THSD4: variants seen among roughly 807,000 people sequenced by gnomAD.
The protein encoded by THSD4 is thrombospondin type 1 domain containing 4, also known as thrombospondin type-1 domain-containing protein 4.
A neutral mutation model predicts 119.0 loss-of-function variants in THSD4; 69 were observed. That is an observed-to-expected ratio of 0.58 (90% CI 0.48 to 0.71). The LOEUF is 0.71. THSD4 is among the 30% of genes least tolerant of loss of function. THSD4 has a pLI of 0.00. For synonymous variants in THSD4, 524 were observed against 540.4 expected (o/e 0.97, Z 0.42); for missense variants, 1,393 against 1,391.1 (o/e 1.00, Z -0.02).
intron 7 of THSD4, among the ~76,000 whole-genome samples, chr15:71,559,061 T>C (rs2049069883): frequency 6.6e-6 from 1 of 152,118 alleles, no homozygotes; most frequent in African/African-American, 2.4e-5. Context: ...TTCGGAGACT[T>C]TTATATTTCT....
rs565785283 is a variant in THSD4, at chr15:71,324,110, C to T, written c.1015+67395C>T. ...GAATACCACCATGAAATGTTAATACCGCAGGTATACTCTGTATCTGTTTAT... is the reference window on the plus strand; with the variant it reads ...GAATACCACCATGAAATGTTAATACTGCAGGTATACTCTGTATCTGTTTAT... On this transcript the variant is annotated intron_variant, in intron 6 of 17. Transcript: ENST00000261862. 5.3e-5 allele frequency among the ~76,000 whole-genome samples: 8 copies of T among 152,114 alleles called. No homozygotes were observed. In the East Asian group the frequency reaches 7.7e-4, roughly 15 times the overall value.
intron 3 of THSD4, 120 bp from the exon 4 acceptor site, chr15:71,214,915 C>T (rs1331326037): frequency 1.1e-5 from 13 of 1,198,324 alleles, no homozygotes; most frequent in Non-Finnish European, 1.4e-5. Flanking sequence ...TGTATTAATA[C>T]TTATCTTTGA....
intron 7 of THSD4, among the ~76,000 whole-genome samples, chr15:71,459,392 C>CTCTCTCTCTCTCTCTCTG: frequency 1.3e-5 from 2 of 151,242 alleles, no homozygotes; most frequent in Non-Finnish European, 3.0e-5. Flanking sequence ...CTCTCTCTCT[C>CTCTCTCTCTCTCTCTCTG]TCTCTCTCTC....
chr15:71,689,232 C>T (rs2051990943), intron 8 of THSD4, among the ~76,000 whole-genome samples: 1 of 152,168 alleles, frequency 6.6e-6, no homozygotes, highest in African/African-American at 2.4e-5. Context: ...CTGGTGTGGC[C>T]TCTCTGCTCT....
chr15:71,110,880 C>T, upstream of THSD4: 1 of 476,168 alleles, frequency 2.1e-6, no homozygotes. Context: ...ACTGATCAGC[C>T]ATGCTTGAGA....
chr15:71,490,950 C>T (rs1158905534), intron 7 of THSD4, among the ~76,000 whole-genome samples: 5 of 152,154 alleles, frequency 3.3e-5, no homozygotes, highest in African/African-American at 4.8e-5. Flanking sequence ...ATATATATTA[C>T]CTGGCCCCTT....
intron 4 of THSD4, among the ~76,000 whole-genome samples, chr15:71,221,284 A>G (rs1446560820): frequency 2.0e-5 from 3 of 152,198 alleles, no homozygotes; most frequent in South Asian, 4.1e-4. Context: ...AATACACATA[A>G]CATAAAATTG....
At chr15:71,688,570 A>T (rs976499628) in intron 8 of THSD4, among the ~76,000 whole-genome samples, 1 of 152,238 alleles carries the variant, frequency 6.6e-6, no homozygotes, top group Non-Finnish European at 1.5e-5. Flanking sequence ...CAAAAATAAT[A>T]GATGAAAAAG....
rs530732070 is a variant in THSD4, at chr15:71,564,471, G to A, written c.1153-96059G>A. 3.2e-4 allele frequency among the ~76,000 whole-genome samples: 49 copies of A among 152,266 alleles called. No homozygotes were observed. In the South Asian group the frequency reaches 7.5e-3, roughly 23 times the overall value. On this transcript the variant is annotated intron_variant, in intron 7 of 17. Coordinates refer to ENST00000261862, the MANE Select transcript of THSD4 (RefSeq NM_024817.3). ...GAAGAAGATTGGAGGTGGAAGGGGA[G>A]GGAGGTAAACTTCTCAGGCAGAGGG...
At chr15:71,212,275 G>A (rs1412983886) in intron 3 of THSD4, among the ~76,000 whole-genome samples, 5 of 152,148 alleles carry the variant, frequency 3.3e-5, no homozygotes, top group African/African-American at 1.2e-4. Flanking sequence ...TCTCACCATG[G>A]GGACTCAGAT....
intron 7 of THSD4, among the ~76,000 whole-genome samples, chr15:71,524,814 G>A (rs1432177077): frequency 2.1e-5 from 3 of 139,766 alleles, no homozygotes; most frequent in African/African-American, 8.2e-5. Flanking sequence ...GGGTTTCACC[G>A]TATTAGCCAG....
intron 7 of THSD4, among the ~76,000 whole-genome samples, chr15:71,592,332 A>C (rs1295021719): frequency 6.6e-6 from 1 of 152,196 alleles, no homozygotes; most frequent in Non-Finnish European, 1.5e-5. Flanking sequence ...TGCAGGACGC[A>C]GTGGCAGGGA....
intron 7 of THSD4, among the ~76,000 whole-genome samples, chr15:71,553,792 G>T (rs1402070819): frequency 1.3e-5 from 2 of 152,110 alleles, no homozygotes; most frequent in Non-Finnish European, 2.9e-5. Context: ...CATATGAGTT[G>T]TTTCCATTAA....
At chr15:71,357,815 A>G (rs4776548) in intron 6 of THSD4, among the ~76,000 whole-genome samples, 29,926 of 152,112 alleles carry the variant, frequency 0.2, 3,817 homozygotes, top group East Asian at 0.54. Flanking sequence ...TAATTGAGTT[A>G]TATTATTTTG....
At chr15:71,133,292 C>A (rs1446135379) in intron 1 of THSD4, among the ~76,000 whole-genome samples, 1 of 152,110 alleles carries the variant, frequency 6.6e-6, no homozygotes, top group Non-Finnish European at 1.5e-5. Flanking sequence ...TCAGAAACAG[C>A]AGAAGAATGG....
At chr15:71,638,016 T>C (rs2050783031) in intron 7 of THSD4, among the ~76,000 whole-genome samples, 1 of 152,176 alleles carries the variant, frequency 6.6e-6, no homozygotes, top group Admixed American at 6.5e-5. Flanking sequence ...TGTGAGCCGC[T>C]GTGCCCAGCC....
At chr15:71,564,604 T>G (rs2049187043) in intron 7 of THSD4, among the ~76,000 whole-genome samples, 2 of 150,932 alleles carry the variant, frequency 1.3e-5, no homozygotes, top group South Asian at 4.2e-4. Context: ...ATATTCCACA[T>G]ATTGTACATT....
chr15:71,627,451 G>A (rs1045283371), intron 7 of THSD4, among the ~76,000 whole-genome samples: 13 of 152,168 alleles, frequency 8.5e-5, no homozygotes, highest in East Asian at 1.9e-4. Flanking sequence ...AGCTCAGGCC[G>A]TACCACAACA....
intron 6 of THSD4, among the ~76,000 whole-genome samples, chr15:71,273,432 C>T (rs2044556028): frequency 6.6e-6 from 1 of 151,954 alleles, no homozygotes; most frequent in African/African-American, 2.4e-5. Context: ...TCAAAGGGCA[C>T]AAAATTGCAG....
Sources: allele counts gnomAD v4.1 joint callset (sites outside exome capture counted in the v4.1 genomes callset), GRCh38; gene constraint gnomAD v4.1.1; transcripts MANE v1.5; gene names NCBI Gene and HGNC (gene_info 2026-07-23, HGNC 2026-07-21).